CLK4: variants seen among roughly 807,000 people sequenced by gnomAD.
CLK4 encodes dual specificity protein kinase CLK4.
CLK4 carries 37 observed loss-of-function variants against 64.4 expected under a neutral mutation model. The observed-to-expected ratio is 0.57, with a 90% CI of 0.44 to 0.76. The LOEUF is 0.76. Ranked by LOEUF, CLK4 falls within the 30% of genes least tolerant of loss-of-function variation. The pLI, the probability that CLK4 is intolerant of heterozygous loss-of-function variation, is 0.00. For synonymous variants in CLK4, 175 were observed against 191.6 expected, an observed-to-expected ratio of 0.91 and a Z score of 0.72; for missense variants, 457 against 605.1, an observed-to-expected ratio of 0.76 and a Z score of 2.57.
intron 2 of CLK4, among the ~76,000 whole-genome samples, chr5:178,621,584 G>A (rs891925963): frequency 7.9e-5 from 12 of 152,184 alleles, no homozygotes; most frequent in Admixed American, 5.9e-4. Flanking sequence ...ATATGACAGC[G>A]GACAAATTCG....
In CLK4 at chr5:178,620,894, A is replaced by C. The variant is rs73351816; in HGVS notation, c.162-2116T>G. Among the ~76,000 whole-genome samples the C allele has an allele frequency of 4.9e-3, 751 of 152,352 alleles. 10 individuals carry two copies. Among genetic ancestry groups the C allele is most frequent in the African/African-American group, 0.017 (713 of 41,580 alleles). On this transcript the variant is annotated intron_variant, in intron 2 of 12. Transcript: ENST00000316308. ...AGATGGAAATAGAGTTGCATCTTAAAGGGAAGCCAGGATTTGGAAAAAGTA... is the reference window on the plus strand; with the variant it reads ...AGATGGAAATAGAGTTGCATCTTAACGGGAAGCCAGGATTTGGAAAAAGTA...
At chr5:178,610,399 G>A (rs1764540328) in intron 9 of CLK4, among the ~76,000 whole-genome samples, 1 of 152,054 alleles carries the variant, frequency 6.6e-6, no homozygotes, top group South Asian at 2.1e-4. Context: ...CTCATTCTTG[G>A]ATGAGTTAGC....
At position 178,603,140 on chromosome 5, in the gene CLK4, T is replaced by G. The variant is rs1294773035; in HGVS notation, c.*477A>C. 7 of 152,696 alleles carry G rather than the reference T, an allele frequency of 4.6e-5. No individual in the cohort carries two copies. The highest frequency in any genetic ancestry group is 8.8e-5 in the Non-Finnish European group (6 of 68,066). The allele number at this position is 152,696 out of a possible 1,614,324, so 9.5% of individuals were successfully genotyped here. A position where few individuals can be genotyped will look rare whatever the true frequency, so the allele number is the denominator to read the frequency against. ...AATAGAATTCTAACAGTAAACATTT[T>G]CTGAGTTTTGGTTTCTAGTACCTGC... is the stretch of plus-strand genomic sequence containing the variant. On this transcript the variant is annotated 3_prime_UTR_variant, in exon 13 of 13. Transcript: ENST00000316308.
intron 10 of CLK4, among the ~76,000 whole-genome samples, chr5:178,606,073 A>T (rs552328711): frequency 1.0e-3 from 156 of 152,358 alleles, no homozygotes; most frequent in African/African-American, 3.5e-3. Context: ...ATTGCTTCCA[A>T]ATCGTTGTGA....
chr5:178,618,504 A>G, intron 3 of CLK4, 52 bp downstream of exon 3: 1 of 1,108,944 alleles, frequency 9.0e-7, no homozygotes, highest in Non-Finnish European at 1.3e-6. Flanking sequence ...CAGCTCGTTA[A>G]GAGTACACAC....
chr5:178,616,838 C>T (rs974462349), intron 5 of CLK4, 44 bp downstream of exon 5: 7 of 1,327,030 alleles, frequency 5.3e-6, no homozygotes, highest in Non-Finnish European at 7.6e-6. Flanking sequence ...AATCTTTCCC[C>T]ACCAAAAACA....
chr5:178,624,562 T>C lies in CLK4; in HGVS notation c.1-1146A>G, dbSNP rs542013327. On this transcript the variant is annotated intron_variant, in intron 1 of 12. Transcript: ENST00000316308. ...TTCCTTCCAGGCTCAGCATCTGCGCTCAAACAATATAACCCCTATCTGTCT... is the reference window on the plus strand; with the variant it reads ...TTCCTTCCAGGCTCAGCATCTGCGCCCAAACAATATAACCCCTATCTGTCT... Among the ~76,000 whole-genome samples the C allele has an allele frequency of 2.0e-5, 3 of 152,306 alleles. No individual in the cohort carries two copies. The South Asian group carries it at 6.2e-4, about 32-fold the overall frequency.
intron 2 of CLK4, among the ~76,000 whole-genome samples, chr5:178,620,985 T>C (rs181403795): frequency 8.3e-4 from 126 of 152,316 alleles, no homozygotes; most frequent in Non-Finnish European, 6.9e-4. Flanking sequence ...ATGGCACTTT[T>C]AGCCACAATG....
At chr5:178,622,643 G>C (rs892397189) in intron 2 of CLK4, 1 of 156,192 alleles carries the variant, frequency 6.4e-6, no homozygotes. Flanking sequence ...ACATGCTGTT[G>C]CAAGTTTTTA....
At chr5:178,626,406 AC>A (rs1248038370) in intron 1 of CLK4, among the ~76,000 whole-genome samples, 2 of 152,136 alleles carry the variant, frequency 1.3e-5, no homozygotes, top group Non-Finnish European at 2.9e-5. Context: ...ACAAGCAGCT[AC>A]TGCCCTCAAC....
intron 2 of CLK4, among the ~76,000 whole-genome samples, chr5:178,621,180 A>G (rs1764702313): frequency 6.6e-6 from 1 of 152,176 alleles, no homozygotes; most frequent in Non-Finnish European, 1.5e-5. Flanking sequence ...TCAAATATGG[A>G]GTTCTTATTA....
chr5:178,609,716 AAAT>A (rs71587667), intron 9 of CLK4, among the ~76,000 whole-genome samples: 45,797 of 142,278 alleles, frequency 0.32, 7,424 homozygotes, highest in Middle Eastern at 0.45. Context: ...CAAAAATAAA[AAAT>A]AATAAAAATT....
In CLK4 at chr5:178,602,819, C is replaced by T. The variant is rs546395524; in HGVS notation, c.*798G>A. On this transcript the variant is annotated 3_prime_UTR_variant, in exon 13 of 13. Coordinates refer to ENST00000316308, the MANE Select transcript of CLK4 (RefSeq NM_020666.3). ...AATAAACTTAATTCTTATAGGTTTA[C>T]GTATTTATGTCATTTGATAAACAGA... 16 of 152,236 alleles carry T rather than the reference C, an allele frequency of 1.1e-4. No individual in the cohort carries two copies. Among genetic ancestry groups the T allele is most frequent in the Non-Finnish European group, 1.9e-4 (13 of 68,016 alleles). The allele number at this position is 152,236 out of a possible 1,614,324, so 9.4% of individuals were successfully genotyped here. A position where few individuals can be genotyped will look rare whatever the true frequency, so the allele number is the denominator to read the frequency against.
intron 2 of CLK4, among the ~76,000 whole-genome samples, chr5:178,621,471 A>T (rs981665054): frequency 6.6e-6 from 1 of 152,236 alleles, no homozygotes; most frequent in Non-Finnish European, 1.5e-5. Flanking sequence ...CAATATATAT[A>T]TGACAAATGG....
chr5:178,621,426 C>T (rs1386749301), intron 2 of CLK4, among the ~76,000 whole-genome samples: 1 of 152,076 alleles, frequency 6.6e-6, no homozygotes, highest in African/African-American at 2.4e-5. Flanking sequence ...CACAGGCTAC[C>T]TCCAAAAGAC....
At chr5:178,618,498 T>C in intron 3 of CLK4, 58 bp downstream of exon 3, 2 of 937,588 alleles carry the variant, frequency 2.1e-6, no homozygotes, top group South Asian at 4.7e-5. Flanking sequence ...ACTTATCAGC[T>C]CGTTAAGAGT....
In CLK4 at chr5:178,618,579, A is replaced by G; in HGVS notation, c.361T>C (p.Cys121Arg). 6.2e-7 allele frequency: 1 copy of G among 1,613,932 alleles called. No individual in the cohort carries two copies. Among genetic ancestry groups the G allele is most frequent in the South Asian group, 1.1e-5 (1 of 91,076 alleles). The change falls in exon 3 of 13, where the codon TGT becomes CGT. Residue 121 changes from cysteine to arginine, a missense_variant. By Grantham distance (180) the Cys-to-Arg change is radical. Coordinates refer to ENST00000316308, the MANE Select transcript of CLK4 (RefSeq NM_020666.3). Reference protein sequence around the residue: ...SSPKRKRNRHCSSHQSRSKSH... With the variant: ...SSPKRKRNRHRSSHQSRSKSH... ...ACCGAACGTGACTGATGACTTGAACAGTGTCTATTGCGCTTCCTTTTAGGA... is the reference window on the plus strand; with the variant it reads ...ACCGAACGTGACTGATGACTTGAACGGTGTCTATTGCGCTTCCTTTTAGGA...
intron 9 of CLK4, among the ~76,000 whole-genome samples, chr5:178,609,560 G>A (rs1260893828): frequency 6.6e-6 from 1 of 152,066 alleles, no homozygotes; most frequent in Non-Finnish European, 1.5e-5. Flanking sequence ...GCAGACGCCT[G>A]TAATCCCAGT....
At chr5:178,615,227 C>A (rs1278973883) in intron 5 of CLK4, among the ~76,000 whole-genome samples, 6 of 152,116 alleles carry the variant, frequency 3.9e-5, no homozygotes, top group Non-Finnish European at 7.3e-5. Context: ...ATTAAATACA[C>A]CAAGACTTAG....
Sources: allele counts gnomAD v4.1 joint callset (sites outside exome capture counted in the v4.1 genomes callset), GRCh38; gene constraint gnomAD v4.1.1; transcripts MANE v1.5; gene names NCBI Gene and HGNC (gene_info 2026-07-23, HGNC 2026-07-21).